COG5: variants seen among roughly 807,000 people sequenced by gnomAD.
COG5 encodes component of oligomeric golgi complex 5.
COG5 carries 86 observed loss-of-function variants against 110.4 expected under a neutral mutation model. The ratio of observed to expected loss-of-function variants is 0.78; its 90% CI spans 0.65 to 0.93. The LOEUF is 0.93. COG5 is among the 40% of genes least tolerant of loss of function. The probability of loss-of-function intolerance (pLI) is 0.00; values close to 1 mark genes in which losing one functional copy is unlikely to be tolerated. For synonymous variants in COG5, 360 were observed against 334.6 expected (o/e 1.08, Z -0.83); for missense variants, 1,077 against 987.0 (o/e 1.09, Z -1.22).
intron 1 of COG5, among the ~76,000 whole-genome samples, chr7:107,561,176 A>G (rs893922741): frequency 1.3e-5 from 2 of 152,244 alleles, no homozygotes. Context: ...GATGAATTAT[A>G]TAATGCTTCT....
intron 14 of COG5, among the ~76,000 whole-genome samples, chr7:107,277,641 G>C (rs1350520579): frequency 2.0e-5 from 3 of 152,116 alleles, no homozygotes; most frequent in Non-Finnish European, 4.4e-5. Flanking sequence ...CATTTCATAG[G>C]ATTGTTGTGA....
intron 7 of COG5, among the ~76,000 whole-genome samples, chr7:107,391,474 T>A (rs796364333): frequency 8.5e-5 from 13 of 152,294 alleles, no homozygotes; most frequent in African/African-American, 3.1e-4. Flanking sequence ...TGTGCAAACG[T>A]TTACAAGTTT....
chr7:107,231,662 C>T (rs1800783792), intron 18 of COG5, among the ~76,000 whole-genome samples: 1 of 152,160 alleles, frequency 6.6e-6, no homozygotes, highest in African/African-American at 2.4e-5. Flanking sequence ...GTCCTGCTGG[C>T]CACCCTTACA....
chr7:107,489,243 C>T (rs1039912586), intron 6 of COG5, among the ~76,000 whole-genome samples: 1 of 152,106 alleles, frequency 6.6e-6, no homozygotes, highest in Non-Finnish European at 1.5e-5. Context: ...AATATAAACT[C>T]TTCGCTAAAA....
At chr7:107,449,374 T>C (rs1795197604) in intron 6 of COG5, among the ~76,000 whole-genome samples, 1 of 152,218 alleles carries the variant, frequency 6.6e-6, no homozygotes, top group African/African-American at 2.4e-5. Flanking sequence ...AAAAATTAAC[T>C]GTAGTTCATA....
In COG5 at chr7:107,330,409, C is replaced by T. The variant is rs1481942337; in HGVS notation, c.1027-5888G>A. Reference sequence around the variant, plus strand: ...ATAAATCTATTATTTAGAATTATGGCTTGGCCTTTGCTTTAGCCATTGATT... The same window carrying T: ...ATAAATCTATTATTTAGAATTATGGTTTGGCCTTTGCTTTAGCCATTGATT... On this transcript the variant is annotated intron_variant, in intron 10 of 21. Transcript: ENST00000297135. Among the ~76,000 whole-genome samples, 10 of 152,170 alleles carry T rather than the reference C, an allele frequency of 6.6e-5. No homozygotes were observed. The South Asian group carries it at 1.7e-3, about 25-fold the overall frequency.
chr7:107,424,166 G>A (rs1348060964), intron 6 of COG5, among the ~76,000 whole-genome samples: 3 of 151,894 alleles, frequency 2.0e-5, no homozygotes, highest in African/African-American at 4.8e-5. Flanking sequence ...CCAGCTACTC[G>A]GGAGGCTGAG....
intron 14 of COG5, chr7:107,258,603 G>A: frequency 1.7e-6 from 1 of 577,708 alleles, no homozygotes; most frequent in African/African-American, 1.9e-5. Flanking sequence ...AAAACACCAT[G>A]GATGTGGAAG....
rs191779884 is a variant in COG5 at position 107,341,216 on chromosome 7, T to A, written c.1027-16695A>T. On this transcript the variant is annotated intron_variant, in intron 10 of 21. Transcript: ENST00000297135. Reference sequence around the variant, plus strand: ...AACCAATGTATAAAAATCAGTAGCATTTCTATACGACAATAATGTCCAAGC... The same window carrying A: ...AACCAATGTATAAAAATCAGTAGCAATTCTATACGACAATAATGTCCAAGC... 4.6e-5 allele frequency among the ~76,000 whole-genome samples: 7 copies of A among 152,236 alleles called. No individual in the cohort carries two copies. The East Asian group carries it at 1.4e-3, about 29-fold the overall frequency.
At chr7:107,403,309 TG>T (rs368191289) in intron 7 of COG5, among the ~76,000 whole-genome samples, 87 of 152,204 alleles carry the variant, frequency 5.7e-4, no homozygotes, top group African/African-American at 1.6e-3. Flanking sequence ...TTCTGGAGAC[TG>T]GGAAGTCCAA....
intron 10 of COG5, among the ~76,000 whole-genome samples, chr7:107,338,205 G>A (rs1010580922): frequency 6.6e-6 from 1 of 151,918 alleles, no homozygotes; most frequent in South Asian, 2.1e-4. Context: ...TTTTGAGAAG[G>A]AAAACAAAAC....
intron 6 of COG5, among the ~76,000 whole-genome samples, chr7:107,453,336 G>A (rs1266257964): frequency 6.6e-6 from 1 of 152,140 alleles, no homozygotes; most frequent in Non-Finnish European, 1.5e-5. Context: ...GAGAATTGCT[G>A]CATATGGTAT....
chr7:107,500,053 C>T (rs1798540796), intron 6 of COG5, among the ~76,000 whole-genome samples: 1 of 152,030 alleles, frequency 6.6e-6, no homozygotes, highest in African/African-American at 2.4e-5. Context: ...GGAAGAAGAG[C>T]ACTCAACCAA....
At chr7:107,506,351 T>C (rs1798998424) in intron 6 of COG5, among the ~76,000 whole-genome samples, 1 of 152,110 alleles carries the variant, frequency 6.6e-6, no homozygotes, top group Admixed American at 6.5e-5. Context: ...CTCCCAAAAG[T>C]TTCTGTCCTT....
intron 3 of COG5, among the ~76,000 whole-genome samples, chr7:107,549,533 A>C (rs1380232253): frequency 6.7e-6 from 1 of 149,890 alleles, no homozygotes; most frequent in Non-Finnish European, 1.5e-5. Context: ...CTGGGATTAC[A>C]GGCGCCCACC....
intron 11 of COG5, among the ~76,000 whole-genome samples, chr7:107,306,185 T>C (rs1455865551): frequency 6.6e-6 from 1 of 152,014 alleles, no homozygotes; most frequent in African/African-American, 2.4e-5. Flanking sequence ...CAGTTTTACA[T>C]AAAAAATATA....
chr7:107,490,216 G>A (rs529547943), intron 6 of COG5, among the ~76,000 whole-genome samples: 113 of 152,116 alleles, frequency 7.4e-4, no homozygotes, highest in African/African-American at 2.6e-3. Flanking sequence ...CCTCCTCCAA[G>A]ATAGGGTCTT....
At chr7:107,371,794 G>A (rs1218231412) in intron 8 of COG5, among the ~76,000 whole-genome samples, 1 of 152,120 alleles carries the variant, frequency 6.6e-6, no homozygotes, top group Non-Finnish European at 1.5e-5. Flanking sequence ...TAGAAAGAAG[G>A]CATCTGCTAA....
intron 6 of COG5, among the ~76,000 whole-genome samples, chr7:107,512,743 C>T (rs1799619500): frequency 6.6e-6 from 1 of 152,204 alleles, no homozygotes; most frequent in South Asian, 2.1e-4. Context: ...AATAATGCCG[C>T]ATATCTACAA....
Sources: allele counts gnomAD v4.1 joint callset (sites outside exome capture counted in the v4.1 genomes callset), GRCh38; gene constraint gnomAD v4.1.1; transcripts MANE v1.5; gene names NCBI Gene and HGNC (gene_info 2026-07-23, HGNC 2026-07-21).